Variants in GNB4 observed in about 807,000 individuals in gnomAD.
GNB4 encodes guanine nucleotide-binding protein subunit beta-4.
GNB4 carries 28 observed loss-of-function variants against 45.2 expected under a neutral mutation model. The ratio of observed to expected loss-of-function variants is 0.62; its 90% CI spans 0.46 to 0.85. The LOEUF is 0.85. Among genes scored for constraint, GNB4 ranks in the 40% least tolerant of loss-of-function variants. The probability of loss-of-function intolerance (pLI) is 0.00; values close to 1 mark genes in which losing one functional copy is unlikely to be tolerated. For missense variants in GNB4, 321 were observed against 425.4 expected (o/e 0.75, Z 2.16); for synonymous variants, 132 against 143.7 (o/e 0.92, Z 0.58).
intron 5 of GNB4, among the ~76,000 whole-genome samples, chr3:179,416,164 C>T (rs2108592505): frequency 6.6e-6 from 1 of 152,092 alleles, no homozygotes; most frequent in Non-Finnish European, 1.5e-5. Flanking sequence ...CTAACTTATC[C>T]AAAACTAGAA....
intron 1 of GNB4, among the ~76,000 whole-genome samples, chr3:179,450,183 A>G (rs1232533911): frequency 6.6e-6 from 1 of 152,246 alleles, no homozygotes; most frequent in Non-Finnish European, 1.5e-5. Context: ...AATGTCTTTA[A>G]GCCACATACT....
In GNB4 at chr3:179,434,724, A is replaced by T. The variant is rs1165901523; in HGVS notation, c.-42-8482T>A. ...CAACAGAGCAAAACTCTGTCTCATTAAAAAAAAAAAAGAAAGAAGAAAAAA... is the reference window on the plus strand; with the variant it reads ...CAACAGAGCAAAACTCTGTCTCATTTAAAAAAAAAAAGAAAGAAGAAAAAA... On this transcript the variant is annotated intron_variant, in intron 1 of 9. Transcript: ENST00000232564. Among the ~76,000 whole-genome samples, 5 of 142,188 alleles carry T rather than the reference A, an allele frequency of 3.5e-5. No homozygotes were observed. In the South Asian group the frequency reaches 8.8e-4, roughly 25 times the overall value. 93.3% of individuals were successfully genotyped at this position (142,188 alleles called of 152,430 possible).
the GNB4 span, among the ~76,000 whole-genome samples, chr3:179,515,073 C>T: frequency 2.6e-5 from 4 of 152,166 alleles, no homozygotes; most frequent in East Asian, 3.8e-4. Flanking sequence ...TTAATATTTA[C>T]AGTATGCTAA....
chr3:179,469,097 C>G, the GNB4 span, among the ~76,000 whole-genome samples: 55 of 152,248 alleles, frequency 3.6e-4, no homozygotes, highest in South Asian at 3.7e-3. Flanking sequence ...CACTCTGCTC[C>G]CCTTCTCTTG....
the GNB4 span, among the ~76,000 whole-genome samples, chr3:179,490,348 A>G: frequency 1.3e-5 from 2 of 152,204 alleles, no homozygotes; most frequent in Non-Finnish European, 2.9e-5. Flanking sequence ...TAGGATTTCA[A>G]AAAGGCCCTG....
intron 8 of GNB4, among the ~76,000 whole-genome samples, chr3:179,406,707 G>C (rs1020044772): frequency 4.6e-5 from 7 of 152,136 alleles, no homozygotes; most frequent in Middle Eastern, 3.4e-3. Context: ...CTGCCTCCTG[G>C]GTTCAAGTGC....
At chr3:179,453,464 A>C (rs1577044599), upstream of GNB4, among the ~76,000 whole-genome samples, 1 of 152,160 alleles carries the variant, frequency 6.6e-6, no homozygotes, top group Admixed American at 6.5e-5. Flanking sequence ...GTTCCTGTGC[A>C]CTAGCATTTA....
At chr3:179,434,847 A>G (rs1715403086) in intron 1 of GNB4, among the ~76,000 whole-genome samples, 1 of 151,604 alleles carries the variant, frequency 6.6e-6, no homozygotes, top group South Asian at 2.1e-4. Flanking sequence ...CCAGGAGTTC[A>G]AGGCTGCAGT....
chr3:179,469,948 C>A, the GNB4 span, among the ~76,000 whole-genome samples: 2 of 152,190 alleles, frequency 1.3e-5, no homozygotes, highest in Non-Finnish European at 2.9e-5. Flanking sequence ...TGTCACATAA[C>A]AATGTTTCAA....
upstream of GNB4, among the ~76,000 whole-genome samples, chr3:179,455,909 C>T (rs1715969319): frequency 1.3e-5 from 2 of 152,218 alleles, no homozygotes; most frequent in East Asian, 3.9e-4. Flanking sequence ...AACTTCAGTT[C>T]CTTTTCACGT....
At chr3:179,472,948 G>A in the GNB4 span, among the ~76,000 whole-genome samples, 1 of 152,306 alleles carries the variant, frequency 6.6e-6, no homozygotes, top group East Asian at 1.9e-4. Context: ...CAGATCACGA[G>A]GTTAGGAGAT....
chr3:179,413,519 T>A lies in GNB4; in HGVS notation c.592A>T (p.Thr198Ser), dbSNP rs776836938. ...GCATCACAAGCACCAGAAACAAAAG[T>A]CCTCATGTCAGGACTCAAAGAAAGA... is the stretch of plus-strand genomic sequence containing the variant. ...MSLSLSPDMRTFVSGACDASS... is the reference protein window; with the variant it reads ...MSLSLSPDMRSFVSGACDASS... Residue 198 changes from threonine to serine, a missense_variant, in exon 8 of 10, where the codon ACT (threonine) becomes TCT (serine). Transcript: ENST00000232564. 11 of 1,613,912 alleles carry A rather than the reference T, an allele frequency of 6.8e-6. No individual in the cohort carries two copies. In the Admixed American group the frequency reaches 8.3e-5, roughly 12 times the overall value.
the GNB4 span, among the ~76,000 whole-genome samples, chr3:179,463,822 T>C: frequency 6.6e-6 from 1 of 152,172 alleles, no homozygotes; most frequent in Non-Finnish European, 1.5e-5. Flanking sequence ...TCATAGAGTC[T>C]CTTAAATTAT....
the GNB4 span, among the ~76,000 whole-genome samples, chr3:179,482,763 C>A: frequency 1.3e-5 from 2 of 152,184 alleles, no homozygotes; most frequent in African/African-American, 4.8e-5. Flanking sequence ...TTTCATGACT[C>A]TCTCTTTTGA....
the GNB4 span, among the ~76,000 whole-genome samples, chr3:179,526,444 T>C: frequency 1.3e-5 from 2 of 152,206 alleles, no homozygotes; most frequent in African/African-American, 4.8e-5. Flanking sequence ...CCACTGTCAC[T>C]GAAGATAAAA....
chr3:179,527,790 A>ATGTG, the GNB4 span, among the ~76,000 whole-genome samples: 1,905 of 142,406 alleles, frequency 0.013, 35 homozygotes, highest in East Asian at 0.093. Flanking sequence ...GTGTGTATGT[A>ATGTG]TGTGTGTGTG....
chr3:179,508,276 C>T, the GNB4 span, among the ~76,000 whole-genome samples: 1 of 152,144 alleles, frequency 6.6e-6, no homozygotes, highest in African/African-American at 2.4e-5. Flanking sequence ...TGTGAGCCAC[C>T]ATGGCTGGCT....
chr3:179,429,448 C>T (rs919137991), intron 1 of GNB4, among the ~76,000 whole-genome samples: 5 of 152,128 alleles, frequency 3.3e-5, no homozygotes, highest in Admixed American at 6.5e-5. Context: ...CTCATTTATT[C>T]GCTTGTAAGT....
intron 1 of GNB4, among the ~76,000 whole-genome samples, chr3:179,450,491 TC>T (rs1375312330): frequency 6.6e-6 from 1 of 152,158 alleles, no homozygotes; most frequent in East Asian, 1.9e-4. Context: ...TAAGAAAACT[TC>T]CCGCTAAGCC....
Sources: allele counts gnomAD v4.1 joint callset (sites outside exome capture counted in the v4.1 genomes callset), GRCh38; gene constraint gnomAD v4.1.1; transcripts MANE v1.5; gene names NCBI Gene and HGNC (gene_info 2026-07-23, HGNC 2026-07-21).